LIMCH1: variants seen among roughly 807,000 people sequenced by gnomAD.
The protein encoded by LIMCH1 is LIM and calponin homology domains-containing protein 1.
A neutral mutation model predicts 176.5 loss-of-function variants in LIMCH1; 113 were observed. The observed-to-expected ratio is 0.64, with a 90% CI of 0.55 to 0.75. The LOEUF (loss-of-function observed/expected upper bound fraction) is 0.75. LIMCH1 is among the 30% of genes least tolerant of loss of function. The pLI, the probability that LIMCH1 is intolerant of heterozygous loss-of-function variation, is 0.00. For synonymous variants in LIMCH1, 619 were observed against 645.9 expected (o/e 0.96, Z 0.63); for missense variants, 1,674 against 1,814.9 (o/e 0.92, Z 1.41).
chr4:41,586,731 A>T (rs1300407319), intron 1 of LIMCH1, among the ~76,000 whole-genome samples: 1 of 152,172 alleles, frequency 6.6e-6, no homozygotes, highest in Non-Finnish European at 1.5e-5. Context: ...GGAGGGATAG[A>T]TTCCTTGGAA....
intron 1 of LIMCH1, among the ~76,000 whole-genome samples, chr4:41,587,329 T>C (rs1327410738): frequency 6.6e-6 from 1 of 152,184 alleles, no homozygotes; most frequent in Non-Finnish European, 1.5e-5. Flanking sequence ...ACGGTCTTTC[T>C]ATCCTCTTTC....
chr4:41,530,216 C>T (rs2077110818), intron 3 of LIMCH1, among the ~76,000 whole-genome samples: 1 of 152,178 alleles, frequency 6.6e-6, no homozygotes, highest in African/African-American at 2.4e-5. Flanking sequence ...CAAAACTAGA[C>T]ATACAAGGCT....
chr4:41,646,319 A>T, intron 16 of LIMCH1, 39 bp downstream of exon 16: 6 of 1,559,432 alleles, frequency 3.8e-6, no homozygotes, highest in South Asian at 1.2e-5. Flanking sequence ...GTACAATATT[A>T]TCTAGGTGTT....
chr4:41,410,779 G>T (rs1198087901), intron 1 of LIMCH1, among the ~76,000 whole-genome samples: 1 of 152,118 alleles, frequency 6.6e-6, no homozygotes, highest in Non-Finnish European at 1.5e-5. Flanking sequence ...CCCATCTTCT[G>T]GCTTTCCTCA....
chr4:41,407,323 G>T (rs548380909), intron 1 of LIMCH1, among the ~76,000 whole-genome samples: 5 of 152,126 alleles, frequency 3.3e-5, no homozygotes, highest in Admixed American at 3.3e-4. Flanking sequence ...CGACCTGCTG[G>T]GCTCAAGCGA....
chr4:41,409,316 A>G (rs1273628445), intron 1 of LIMCH1, among the ~76,000 whole-genome samples: 1 of 152,188 alleles, frequency 6.6e-6, no homozygotes, highest in Non-Finnish European at 1.5e-5. Flanking sequence ...GAGTCAGTTC[A>G]TTAGGAAATA....
rs1251010014 is a variant in LIMCH1, at chr4:41,619,299, C to G, written c.317C>G (p.Pro106Arg). 2.5e-6 allele frequency: 4 copies of G among 1,614,204 alleles called. No homozygotes were observed. Among genetic ancestry groups the G allele is most frequent in the Admixed American group, 1.7e-5 (1 of 60,028 alleles). ...TSHGEPKSAV[P>R]FNQYLPNKSN... Reference sequence around the variant, plus strand: ...CATGGTGAGCCGAAATCAGCAGTGCCTTTTAACCAGTACCTCCCGAACAAA... The same window carrying G: ...CATGGTGAGCCGAAATCAGCAGTGCGTTTTAACCAGTACCTCCCGAACAAA... The change falls in exon 6 of 32, where the codon CCT becomes CGT. Residue 106 changes from proline to arginine, a missense_variant. By Grantham distance (103) the Pro-to-Arg change is moderately radical. Transcript: ENST00000503057.
chr4:41,394,265 T>C (rs988505038), intron 1 of LIMCH1, among the ~76,000 whole-genome samples: 2 of 152,184 alleles, frequency 1.3e-5, no homozygotes, highest in African/African-American at 4.8e-5. Flanking sequence ...ACACTTTCCA[T>C]AGGACCCTGC....
intron 1 of LIMCH1, among the ~76,000 whole-genome samples, chr4:41,371,444 T>C (rs2053948811): frequency 6.6e-6 from 1 of 152,208 alleles, no homozygotes; most frequent in Non-Finnish European, 1.5e-5. Flanking sequence ...TTCACGTCTA[T>C]TTCCCCAGTC....
At chr4:41,373,145 G>A (rs1274061117) in intron 1 of LIMCH1, among the ~76,000 whole-genome samples, 1 of 152,200 alleles carries the variant, frequency 6.6e-6, no homozygotes, top group Non-Finnish European at 1.5e-5. Context: ...AAAAAGGGCC[G>A]GGATCTCCTT....
chr4:41,486,632 T>C (rs1197033628), intron 1 of LIMCH1, among the ~76,000 whole-genome samples: 1 of 152,192 alleles, frequency 6.6e-6, no homozygotes, highest in Non-Finnish European at 1.5e-5. Flanking sequence ...TCTGAACTGC[T>C]GGCTTAGTTT....
chr4:41,369,191 C>T (rs1017391879), intron 1 of LIMCH1, among the ~76,000 whole-genome samples: 1 of 152,190 alleles, frequency 6.6e-6, no homozygotes, highest in Non-Finnish European at 1.5e-5. Flanking sequence ...CCCCCTCCCC[C>T]ATCTTCCCAG....
upstream of LIMCH1, among the ~76,000 whole-genome samples, chr4:41,535,178 A>AAG (rs2077759705): frequency 1.3e-5 from 2 of 151,104 alleles, no homozygotes; most frequent in African/African-American, 4.9e-5. Context: ...AAAAAAAAAA[A>AAG]AAAAAAGAAA....
At chr4:41,695,873 T>C (rs556414480) in intron 31 of LIMCH1, among the ~76,000 whole-genome samples, 2 of 152,138 alleles carry the variant, frequency 1.3e-5, no homozygotes, top group South Asian at 2.1e-4. Context: ...AATATGCTTG[T>C]ATTGGTCAAA....
intron 22 of LIMCH1, among the ~76,000 whole-genome samples, chr4:41,672,239 G>A (rs771865131): frequency 7.9e-5 from 12 of 151,924 alleles, no homozygotes; most frequent in Non-Finnish European, 1.3e-4. Context: ...GTGTGCTGGC[G>A]GGCACCTGTA....
chr4:41,390,282 G>A (rs939053472), intron 1 of LIMCH1, among the ~76,000 whole-genome samples: 12 of 151,950 alleles, frequency 7.9e-5, no homozygotes, highest in South Asian at 2.1e-4. Flanking sequence ...GAGCGAGAGC[G>A]CTCCTCATGC....
intron 21 of LIMCH1, 67 bp downstream of exon 21, chr4:41,666,733 A>G (rs2094839741): frequency 9.5e-7 from 1 of 1,052,924 alleles, no homozygotes; most frequent in African/African-American, 1.6e-5. Flanking sequence ...CTATTACTTA[A>G]TTTAAAGGAA....
chr4:41,475,083 G>A (rs2067529088), intron 1 of LIMCH1, among the ~76,000 whole-genome samples: 1 of 152,152 alleles, frequency 6.6e-6, no homozygotes, highest in South Asian at 2.1e-4. Flanking sequence ...CAATTTTCAG[G>A]AGTTTAGTGG....
chr4:41,580,960 A>G (rs1246965068), intron 1 of LIMCH1, among the ~76,000 whole-genome samples: 1 of 152,216 alleles, frequency 6.6e-6, no homozygotes, highest in Non-Finnish European at 1.5e-5. Context: ...AATTGATCCC[A>G]GAAGTAGAAA....
Sources: gnomAD v4.1 joint callset for allele counts (sites outside exome capture counted in the v4.1 genomes callset) on GRCh38, gnomAD v4.1.1 for gene constraint, MANE v1.5 for transcripts, NCBI Gene and HGNC (gene_info 2026-07-23, HGNC 2026-07-21) for gene names.